Variants in C8B observed in about 807,000 individuals in gnomAD.
The protein encoded by C8B is complement C8 beta chain.
A neutral mutation model predicts 64.6 loss-of-function variants in C8B; 67 were observed. The ratio of observed to expected loss-of-function variants is 1.04; its 90% CI spans 0.85 to 1.27. C8B has a LOEUF of 1.27. Ranked by LOEUF, C8B falls within the 50% of genes most tolerant of loss-of-function variation. C8B has a pLI of 0.00. For synonymous variants in C8B, 284 were observed against 257.7 expected, an observed-to-expected ratio of 1.10 and a Z score of -0.98; for missense variants, 790 against 725.2, an observed-to-expected ratio of 1.09 and a Z score of -1.03.
rs552082401 is a variant in C8B, at chr1:56,935,668, A to C, written c.1399-2180T>G. Among the ~76,000 whole-genome samples the C allele has an allele frequency of 9.2e-5, 14 of 152,372 alleles. No homozygotes were observed. The South Asian group carries it at 1.0e-3, about 11-fold the overall frequency. The stretch of plus-strand genomic sequence containing the variant: ...CATTATCTAACTTAATCTTTGCAAC[A>C]ATCTTATGAGTTCGTTAGTCTTTTG... On this transcript the variant is annotated intron_variant, in intron 9 of 11. Transcript: ENST00000371237.
At position 56,930,032 on chromosome 1, in the gene C8B, C is replaced by A. The variant is rs115482075; in HGVS notation, c.1622-474G>T. On this transcript the variant is annotated intron_variant, in intron 11 of 11. Coordinates refer to ENST00000371237, the MANE Select transcript of C8B (RefSeq NM_000066.4). ...ATCTCTATTGTGACTGGGGCTGTAT[C>A]TTATTTGTTCACCTAGCAGCTAGGC... 4.0e-3 allele frequency among the ~76,000 whole-genome samples: 607 copies of A among 152,288 alleles called. 2 individuals carry two copies. Among genetic ancestry groups the A allele is most frequent in the African/African-American group, 0.014 (583 of 41,564 alleles).
At chr1:56,936,492 T>A (rs1177340483) in intron 9 of C8B, among the ~76,000 whole-genome samples, 1 of 150,692 alleles carries the variant, frequency 6.6e-6, no homozygotes, top group Admixed American at 6.6e-5. Flanking sequence ...TCCTTACATA[T>A]TAAGGATCTC....
intron 1 of C8B, among the ~76,000 whole-genome samples, chr1:56,961,327 C>T (rs1645177418): frequency 6.6e-6 from 1 of 152,212 alleles, no homozygotes; most frequent in South Asian, 2.1e-4. Context: ...ACAGACATGT[C>T]AAGGCTGTGC....
At chr1:56,946,445 A>G (rs1158927992) in intron 6 of C8B, among the ~76,000 whole-genome samples, 1 of 152,216 alleles carries the variant, frequency 6.6e-6, no homozygotes, top group Non-Finnish European at 1.5e-5. Context: ...GCCGTGCAAG[A>G]AAGAGTAAAA....
Position 56,954,793 on chromosome 1 carries a change from C to A in C8B, c.426G>T (p.Gly142=). The change falls in exon 4 of 12, where the codon GGG becomes GGT. Residue 142 remains glycine, a synonymous_variant. Transcript: ENST00000371237. ...RCVNRRLLCN[G]DNDCGDQSDE... The stretch of plus-strand genomic sequence containing the variant: ...CTGACTGGTCTCCACAGTCATTGTC[C>A]CCATTGCAAAGAAGTCTGCGGTTTA... 6.2e-7 allele frequency: 1 copy of A among 1,614,090 alleles called. No homozygotes were observed. The highest frequency in any genetic ancestry group is 1.3e-5 in the African/African-American group (1 of 75,026).
At chr1:56,959,588 C>T in intron 2 of C8B, 1 of 1,535,486 alleles carries the variant, frequency 6.5e-7, no homozygotes. Context: ...ATACAAGTGT[C>T]CATTGTGCTG....
intron 4 of C8B, 44 bp downstream of exon 4, chr1:56,954,642 A>G (rs1374429614): frequency 6.2e-7 from 1 of 1,611,974 alleles, no homozygotes; most frequent in South Asian, 1.1e-5. Context: ...ATTCCATTTA[A>G]TGCTGTGCCT....
intron 1 of C8B, 54 bp downstream of exon 1, chr1:56,965,803 T>C: frequency 6.3e-7 from 1 of 1,593,206 alleles, no homozygotes; most frequent in Non-Finnish European, 8.6e-7. Context: ...ATCATGTGGC[T>C]GCACCTTCCC....
chr1:56,952,087 C>T lies in C8B; in HGVS notation c.627G>A (p.Arg209=), dbSNP rs1421715376. 1 of 1,614,116 alleles carries T rather than the reference C, an allele frequency of 6.2e-7. No individual in the cohort carries two copies. Among genetic ancestry groups the T allele is most frequent in the Non-Finnish European group, 8.5e-7 (1 of 1,180,004 alleles). ...GCSPHYILNT[R]FRKPYNVESY... is the part of the protein sequence containing the mutation. Reference sequence around the variant, plus strand: ...TTTCCACATTGTAGGGCTTCCTAAACCTCGTGTTCAGGATGTAATGCGGGG... The same window carrying T: ...TTTCCACATTGTAGGGCTTCCTAAATCTCGTGTTCAGGATGTAATGCGGGG... The change falls in exon 5 of 12, where the codon AGG becomes AGA. Residue 209 remains arginine (R), a synonymous_variant. Transcript: ENST00000371237.
intron 11 of C8B, among the ~76,000 whole-genome samples, chr1:56,929,764 T>A (rs978318146): frequency 1.3e-5 from 2 of 152,132 alleles, no homozygotes; most frequent in African/African-American, 4.8e-5. Context: ...CCCAGAACAC[T>A]CTTCCCTCCT....
intron 9 of C8B, among the ~76,000 whole-genome samples, chr1:56,934,822 G>A (rs189425263): frequency 1.3e-5 from 2 of 152,210 alleles, no homozygotes; most frequent in African/African-American, 4.8e-5. Flanking sequence ...AGAAAGAGGG[G>A]AGCTTGCTTT....
At chr1:56,951,225 G>C (rs538747774) in intron 5 of C8B, among the ~76,000 whole-genome samples, 1 of 152,154 alleles carries the variant, frequency 6.6e-6, no homozygotes, top group South Asian at 2.1e-4. Context: ...CTATAGACAC[G>C]CACCACCACA....
chr1:56,930,852 T>C (rs1644691004), intron 11 of C8B, among the ~76,000 whole-genome samples: 1 of 152,232 alleles, frequency 6.6e-6, no homozygotes, highest in Non-Finnish European at 1.5e-5. Context: ...TTACAATGTG[T>C]AAGGTATCAT....
chr1:56,929,754 C>T (rs915363758), intron 11 of C8B, among the ~76,000 whole-genome samples, 196 bp from the exon 12 acceptor site: 1 of 152,068 alleles, frequency 6.6e-6, no homozygotes, highest in Non-Finnish European at 1.5e-5. Flanking sequence ...CCCCCCTGTG[C>T]CCAGAACACT....
intron 6 of C8B, among the ~76,000 whole-genome samples, chr1:56,949,171 A>T (rs1187726947): frequency 2.0e-5 from 3 of 152,176 alleles, no homozygotes; most frequent in Non-Finnish European, 4.4e-5. Context: ...TTTAATTGCC[A>T]TTGTAACAGT....
Position 56,933,333 on chromosome 1 carries a change from A to G in C8B, c.1552+2T>C, listed in dbSNP as rs1394604123. On this transcript the variant is annotated splice_donor_variant, in intron 10 of 11. Coordinates refer to ENST00000371237, the MANE Select transcript of C8B (RefSeq NM_000066.4). LOFTEE classifies it high-confidence loss of function. ...GGGACACCAGCTGCCTGAAAGTGGTACCTTTCAGGACAGGGACTCCATTTC... is the reference window on the plus strand; with the variant it reads ...GGGACACCAGCTGCCTGAAAGTGGTGCCTTTCAGGACAGGGACTCCATTTC... 6 of 1,612,246 alleles carry G rather than the reference A, an allele frequency of 3.7e-6. No individual in the cohort carries two copies. Among genetic ancestry groups the G allele is most frequent in the Non-Finnish European group, 5.1e-6 (6 of 1,178,388 alleles).
In C8B at chr1:56,929,376, TG is replaced by T. The variant is rs773172557; in HGVS notation, c.*27del. ...GTTCTTGAGGGCTCAGGGCTCTCAT[TG>T]TATGTAGCCCACTGCTGTATCATCT... On this transcript the variant is annotated 3_prime_UTR_variant, in exon 12 of 12. Transcript: ENST00000371237. 19 of 1,610,906 alleles carry T rather than the reference TG, an allele frequency of 1.2e-5. No individual in the cohort carries two copies. The African/African-American group carries it at 2.4e-4, about 20-fold the overall frequency.
intron 2 of C8B, among the ~76,000 whole-genome samples, 157 bp from the exon 3 acceptor site, chr1:56,957,067 T>TTA (rs1291079252): frequency 3.3e-5 from 5 of 151,996 alleles, no homozygotes; most frequent in African/African-American, 1.2e-4. Flanking sequence ...GCTCCCCCCA[T>TTA]TATATATACT....
At position 56,931,897 on chromosome 1, in the gene C8B, G is replaced by C. The variant is rs772262537; in HGVS notation, c.1553-19C>G. The C allele has an allele frequency of 3.1e-6, 5 of 1,599,248 alleles. No homozygotes were observed. The African/African-American group carries it at 5.4e-5, about 17-fold the overall frequency. On this transcript the variant is annotated intron_variant, in intron 10 of 11. Coordinates refer to ENST00000371237, the MANE Select transcript of C8B (RefSeq NM_000066.4). ...CGTGATCCTGAGAAGACAAGGCAGAGAAAGTGTGAATCATGCCAGGTGGAG... is the reference window on the plus strand; with the variant it reads ...CGTGATCCTGAGAAGACAAGGCAGACAAAGTGTGAATCATGCCAGGTGGAG...
Sources: allele counts gnomAD v4.1 joint callset (sites outside exome capture counted in the v4.1 genomes callset), GRCh38; gene constraint gnomAD v4.1.1; transcripts MANE v1.5; gene names NCBI Gene and HGNC (gene_info 2026-07-23, HGNC 2026-07-21).